The following COMMD9 variants were observed in gnomAD, a reference collection of about 807,000 sequenced individuals.
COMMD9 encodes COMM domain-containing protein 9.
In COMMD9, 22 loss-of-function variants were observed where a neutral mutation model predicts 23.4. The observed-to-expected ratio is 0.94, with a 90% confidence interval of 0.67 to 1.34. The LOEUF (loss-of-function observed/expected upper bound fraction) is 1.34. Ranked by LOEUF, COMMD9 falls within the 40% of genes most tolerant of loss-of-function variation. The probability of loss-of-function intolerance (pLI) is 0.00; values close to 1 mark genes in which losing one functional copy is unlikely to be tolerated. For missense variants in COMMD9, 231 were observed against 240.2 expected (o/e 0.96, Z 0.25); for synonymous variants, 99 against 97.4 (o/e 1.02, Z -0.10).
chr11:36,286,410 A>AAAAAAAAAAGAAAG (rs1285648187), intron 1 of COMMD9, among the ~76,000 whole-genome samples: 1 of 104,824 alleles, frequency 9.5e-6, no homozygotes, highest in East Asian at 3.0e-4. Flanking sequence ...AAAAAAAAAA[A>AAAAAAAAAAGAAAG]AAAGAAAGAA....
chr11:36,276,400 G>C (rs1855973913), intron 4 of COMMD9, 160 bp from the exon 5 acceptor site: 1 of 605,500 alleles, frequency 1.7e-6, no homozygotes, highest in African/African-American at 1.8e-5. Flanking sequence ...CCCACAGCGA[G>C]TCATGTGCCT....
chr11:36,289,396 G>T lies in COMMD9; in HGVS notation c.17C>A (p.Ala6Glu). Reference sequence around the variant, plus strand: ...GCTCTGGAGTGCTGCAAAATGCTCCGCTGTCAGGGCAGCCATCTTGCCGAA... The same window carrying T: ...GCTCTGGAGTGCTGCAAAATGCTCCTCTGTCAGGGCAGCCATCTTGCCGAA... MAALTAEHFAALQSLL... is the reference protein window; with the variant it reads MAALTEEHFAALQSLL... The change falls in exon 1 of 6, where the codon GCG becomes GAG. Residue 6 changes from alanine to glutamate, a missense_variant. Transcript: ENST00000263401. The T allele has an allele frequency of 2.6e-6, 4 of 1,551,980 alleles. No individual in the cohort carries two copies. The highest frequency in any genetic ancestry group is 3.5e-6 in the Non-Finnish European group (4 of 1,147,174).
chr11:36,276,124 A>G lies in COMMD9; in HGVS notation c.456+13T>C. The G allele has an allele frequency of 6.3e-7, 1 of 1,595,888 alleles. No homozygotes were observed. Among genetic ancestry groups the G allele is most frequent in the Non-Finnish European group, 8.6e-7 (1 of 1,163,428 alleles). ...GCTGCCTCTTCTTTCTAATGGCATG[A>G]TAGTGAATGTACCTTCATCTGGAGC... On this transcript the variant is annotated intron_variant, in intron 5 of 5. Coordinates refer to ENST00000263401, the MANE Select transcript of COMMD9 (RefSeq NM_014186.4).
In COMMD9 at chr11:36,274,327, G is replaced by C. The variant is rs1855931734; in HGVS notation, c.*305C>G. ...TGAATTTCTCAAACAGCTATGCAGA[G>C]GCAGCTGACGATGCAAATGTTCCCT... On this transcript the variant is annotated 3_prime_UTR_variant, in exon 6 of 6. Transcript: ENST00000263401. The C allele has an allele frequency of 1.7e-6, 1 of 597,330 alleles. No homozygotes were observed. The highest frequency in any genetic ancestry group is 1.8e-5 in the African/African-American group (1 of 54,950). The allele number at this position is 597,330 out of a possible 1,614,324, so 37.0% of individuals were successfully genotyped here.
intron 1 of COMMD9, among the ~76,000 whole-genome samples, chr11:36,283,127 G>A (rs139778113): frequency 1.3e-5 from 2 of 152,250 alleles, no homozygotes; most frequent in African/African-American, 4.8e-5. Flanking sequence ...CCACATTGAG[G>A]GCAGGTCTTC....
Position 36,277,121 on chromosome 11 carries a change from G to C in COMMD9, c.320C>G (p.Ser107Cys). 5 of 1,598,116 alleles carry C rather than the reference G, an allele frequency of 3.1e-6. No homozygotes were observed. Among genetic ancestry groups the C allele is most frequent in the Non-Finnish European group, 4.3e-6 (5 of 1,172,352 alleles). Residue 107 changes from serine (S) to cysteine (C), a missense_variant and splice_region_variant, in exon 4 of 6, where the codon TCT becomes TGT. Ser to Cys is a moderately radical substitution (Grantham distance 112, BLOSUM62 -1). Coordinates refer to ENST00000263401, the MANE Select transcript of COMMD9 (RefSeq NM_014186.4). ...TGCCTGGGCTTCGGTTCTCCAAGTA[G>C]ACCTGTTTAAGAGGGAAAGATGAGG... is the stretch of plus-strand genomic sequence containing the variant. ...LLTKIILEHV[S>C]TWRTEAQANQ...
At chr11:36,279,200 A>G (rs1369306819) in intron 2 of COMMD9, among the ~76,000 whole-genome samples, 4 of 152,150 alleles carry the variant, frequency 2.6e-5, no homozygotes, top group South Asian at 2.1e-4. Flanking sequence ...TTTCCTCTCA[A>G]CTGGTTGCCT....
chr11:36,283,138 C>T (rs1347899179), intron 1 of COMMD9, among the ~76,000 whole-genome samples: 1 of 152,178 alleles, frequency 6.6e-6, no homozygotes, highest in Non-Finnish European at 1.5e-5. Context: ...GCAGGTCTTC[C>T]TGTCTTTGTC....
At chr11:36,278,038 G>GA (rs370525994) in intron 3 of COMMD9, among the ~76,000 whole-genome samples, 1 of 152,108 alleles carries the variant, frequency 6.6e-6, no homozygotes, top group African/African-American at 2.4e-5. Context: ...TCACTGAAAT[G>GA]AAAAAATGCC....
chr11:36,283,261 C>A (rs1258821709), intron 1 of COMMD9, among the ~76,000 whole-genome samples: 1 of 152,196 alleles, frequency 6.6e-6, no homozygotes, highest in African/African-American at 2.4e-5. Flanking sequence ...TAAACCATCA[C>A]AATCAGGAAG....
At chr11:36,282,997 G>C (rs1042246576) in intron 1 of COMMD9, among the ~76,000 whole-genome samples, 1 of 152,216 alleles carries the variant, frequency 6.6e-6, no homozygotes, top group Non-Finnish European at 1.5e-5. Context: ...TGATGTCCAA[G>C]GGTAAGAGGA....
intron 1 of COMMD9, among the ~76,000 whole-genome samples, chr11:36,286,410 A>AAAAAAAAAAAAAAAG (rs1285648187): frequency 2.0e-4 from 21 of 104,822 alleles, no homozygotes; most frequent in South Asian, 3.1e-4. Flanking sequence ...AAAAAAAAAA[A>AAAAAAAAAAAAAAAG]AAAGAAAGAA....
intron 4 of COMMD9, 80 bp from the exon 5 acceptor site, chr11:36,276,320 G>T: frequency 1.1e-6 from 1 of 946,252 alleles, no homozygotes; most frequent in Non-Finnish European, 1.7e-6. Context: ...CGGCTCTGAG[G>T]ACTGCACACA....
Position 36,278,553 on chromosome 11 carries a change from C to T in COMMD9, c.241G>A (p.Ala81Thr). 6.2e-7 allele frequency: 1 copy of T among 1,614,108 alleles called. No homozygotes were observed. Among genetic ancestry groups the T allele is most frequent in the Non-Finnish European group, 8.5e-7 (1 of 1,179,942 alleles). Reference sequence around the variant, plus strand: ...TTTTCTGGAAAGAGAGCCAGAATTGCCTCGGCAGAGGACAGGTCACGGAAT... The same window carrying T: ...TTTTCTGGAAAGAGAGCCAGAATTGTCTCGGCAGAGGACAGGTCACGGAAT... ...VAFRDLSSAE[A>T]ILALFPENFH... is the part of the protein sequence containing the mutation. The change falls in exon 3 of 6, where the codon GCA (alanine) becomes ACA (threonine). Residue 81 changes from alanine to threonine, a missense_variant. Physicochemically the swap from Ala to Thr is moderately conservative, Grantham distance 58. Coordinates refer to ENST00000263401, the MANE Select transcript of COMMD9 (RefSeq NM_014186.4).
rs1565343935 is a variant in COMMD9 at position 36,273,008 on chromosome 11, G to A, written c.*1624C>T. On this transcript the variant is annotated 3_prime_UTR_variant, in exon 6 of 6. Transcript: ENST00000263401. Reference sequence around the variant, plus strand: ...CTACTCTCATCCATTAATAATCAAAGCCTTTCCTATTAGTTGTAACAGTAC... The same window carrying A: ...CTACTCTCATCCATTAATAATCAAAACCTTTCCTATTAGTTGTAACAGTAC... 1 of 152,138 alleles carries A rather than the reference G, an allele frequency of 6.6e-6. No individual in the cohort carries two copies. Among genetic ancestry groups the A allele is most frequent in the Non-Finnish European group, 1.5e-5 (1 of 68,034 alleles). 9.4% of individuals were successfully genotyped at this position (152,138 alleles called of 1,614,324 possible). A position where few individuals can be genotyped will look rare whatever the true frequency, so the allele number is the denominator to read the frequency against.
chr11:36,273,633 C>T lies in COMMD9; in HGVS notation c.*999G>A, dbSNP rs1352748657. 6.6e-6 allele frequency: 1 copy of T among 152,322 alleles called. No homozygotes were observed. The highest frequency in any genetic ancestry group is 1.9e-4 in the East Asian group (1 of 5,204). The allele number at this position is 152,322 out of a possible 1,614,324, so 9.4% of individuals were successfully genotyped here. A position where few individuals can be genotyped will look rare whatever the true frequency, so the allele number is the denominator to read the frequency against. On this transcript the variant is annotated 3_prime_UTR_variant, in exon 6 of 6. Transcript: ENST00000263401. ...AGGAGCTGGGACTACAGATGCCCGC[C>T]ACCGCGCCCAGCTAATTTTTTGTAT... is the stretch of plus-strand genomic sequence containing the variant.
rs1204735265 is a variant in COMMD9 at position 36,289,406 on chromosome 11, C to G, written c.7G>C (p.Ala3Pro). ...GCTGCAAAATGCTCCGCTGTCAGGGCAGCCATCTTGCCGAAGTCACATGAC... is the reference window on the plus strand; with the variant it reads ...GCTGCAAAATGCTCCGCTGTCAGGGGAGCCATCTTGCCGAAGTCACATGAC... MA[A>P]LTAEHFAALQ... Residue 3 changes from alanine to proline, a missense_variant, in exon 1 of 6, where the codon GCC (alanine) becomes CCC (proline). Physicochemically the swap from Ala to Pro is conservative, Grantham distance 27. Coordinates refer to ENST00000263401, the MANE Select transcript of COMMD9 (RefSeq NM_014186.4). 4 of 1,551,880 alleles carry G rather than the reference C, an allele frequency of 2.6e-6. No individual in the cohort carries two copies. The East Asian group carries it at 7.3e-5, about 28-fold the overall frequency.
At position 36,274,785 on chromosome 11, in the gene COMMD9, C is replaced by G. The variant is rs1405387109; in HGVS notation, c.457-13G>C. On this transcript the variant is annotated splice_polypyrimidine_tract_variant and intron_variant, in intron 5 of 5. Coordinates refer to ENST00000263401, the MANE Select transcript of COMMD9 (RefSeq NM_014186.4). ...GATCTTCTTGGATCTGAAACGAGAA[C>G]ACAGCCCAGAAAGTCAAAGCTGCCT... 1.2e-6 allele frequency: 2 copies of G among 1,613,922 alleles called. No homozygotes were observed. Among genetic ancestry groups the G allele is most frequent in the Admixed American group, 1.7e-5 (1 of 60,006 alleles).
At chr11:36,289,317 G>A in intron 1 of COMMD9, 45 bp downstream of exon 1, 6 of 1,538,318 alleles carry the variant, frequency 3.9e-6, no homozygotes, top group Non-Finnish European at 5.3e-6. Flanking sequence ...CTAAAGTCTC[G>A]GAGACAAAGG....
Sources: gnomAD v4.1 joint callset for allele counts (sites outside exome capture counted in the v4.1 genomes callset) on GRCh38, gnomAD v4.1.1 for gene constraint, MANE v1.5 for transcripts, NCBI Gene and HGNC (gene_info 2026-07-23, HGNC 2026-07-21) for gene names.